FHL2: variants seen among roughly 807,000 people sequenced by gnomAD.
FHL2 encodes the protein four and a half LIM domains protein 2.
A neutral mutation model predicts 32.7 loss-of-function variants in FHL2; 20 were observed. The ratio of observed to expected loss-of-function variants is 0.61; its 90% CI spans 0.43 to 0.89. The LOEUF (loss-of-function observed/expected upper bound fraction) is 0.89. FHL2 is among the 40% of genes least tolerant of loss of function. The pLI, the probability that FHL2 is intolerant of heterozygous loss-of-function variation, is 0.00. For missense variants in FHL2, 311 were observed against 358.6 expected (o/e 0.87, Z 1.07); for synonymous variants, 123 against 128.1 (o/e 0.96, Z 0.27).
chr2:105,398,935 C>T lies in FHL2; in HGVS notation c.-169G>A. ...AGCCCTGGTGGCTAAGCCCCTCGGC[C>T]TCCCTCCGGGGCGCAGGGGGTTGGA... On this transcript the variant is annotated 5_prime_UTR_variant, in exon 1 of 7. Coordinates refer to ENST00000530340, the MANE Select transcript of FHL2 (RefSeq NM_001318895.3). The T allele has an allele frequency of 1.3e-6, 2 of 1,538,088 alleles. No homozygotes were observed. Among genetic ancestry groups the T allele is most frequent in the Non-Finnish European group, 1.7e-6 (2 of 1,145,554 alleles).
At position 105,361,165 on chromosome 2, in the gene FHL2, C is replaced by A. The variant is rs1478919170; in HGVS notation, c.*118G>T. ...AGCAAACGTGAGTATCACTGAAAAG[C>A]ACTAGAAGAAAGTCTCAATGTGGCT... On this transcript the variant is annotated 3_prime_UTR_variant, in exon 7 of 7. Transcript: ENST00000530340. 6 of 1,013,370 alleles carry A rather than the reference C, an allele frequency of 5.9e-6. No individual in the cohort carries two copies. The Admixed American group carries it at 1.3e-4, about 22-fold the overall frequency. 62.8% of individuals were successfully genotyped at this position (1,013,370 alleles called of 1,614,324 possible).
At chr2:105,422,815 G>A (rs1684144648) in intron 1 of FHL2, among the ~76,000 whole-genome samples, 1 of 152,078 alleles carries the variant, frequency 6.6e-6, no homozygotes, top group Non-Finnish European at 1.5e-5. Context: ...TTATACTACA[G>A]GTTGCATTGT....
chr2:105,408,757 T>C (rs961883577), intron 1 of FHL2, among the ~76,000 whole-genome samples: 1 of 152,192 alleles, frequency 6.6e-6, no homozygotes, highest in Non-Finnish European at 1.5e-5. Flanking sequence ...ATGATGTTCA[T>C]CTTATTTATT....
chr2:105,372,248 C>T (rs577571979), intron 4 of FHL2, among the ~76,000 whole-genome samples: 4 of 151,532 alleles, frequency 2.6e-5, no homozygotes, highest in Non-Finnish European at 4.4e-5. Flanking sequence ...TTTTTTGAGA[C>T]GGAGTCTCAC....
chr2:105,360,648 G>T (rs568532424), downstream of FHL2: 5 of 152,690 alleles, frequency 3.3e-5, no homozygotes, highest in African/African-American at 1.2e-4. Context: ...GAGCCACCGT[G>T]CCCAGCCGAA....
rs767099949 is a variant in FHL2, at chr2:105,398,981, G to T, written c.-215C>A. The T allele has an allele frequency of 1.3e-6, 2 of 1,515,358 alleles. No individual in the cohort carries two copies. The highest frequency in any genetic ancestry group is 4.4e-5 in the Admixed American group (2 of 45,040). 93.9% of individuals were successfully genotyped at this position (1,515,358 alleles called of 1,614,324 possible). A position where few individuals can be genotyped will look rare whatever the true frequency, so the allele number is the denominator to read the frequency against. On this transcript the variant is annotated 5_prime_UTR_variant, in exon 1 of 7. Coordinates refer to ENST00000530340, the MANE Select transcript of FHL2 (RefSeq NM_001318895.3). Reference sequence around the variant, plus strand: ...TTGGAGGTACTCACGGCACCGCAGCGGGCCGGGGACTCCCGGACGGGGCTG... The same window carrying T: ...TTGGAGGTACTCACGGCACCGCAGCTGGCCGGGGACTCCCGGACGGGGCTG...
intron 1 of FHL2, among the ~76,000 whole-genome samples, chr2:105,423,899 A>G (rs777880977): frequency 3.9e-4 from 60 of 152,190 alleles, no homozygotes; most frequent in Non-Finnish European, 7.2e-4. Flanking sequence ...AGACTTAAAC[A>G]TAAGACCTGA....
chr2:105,407,731 C>T (rs76553614), intron 1 of FHL2, among the ~76,000 whole-genome samples: 7,241 of 152,160 alleles, frequency 0.048, 541 homozygotes, highest in African/African-American at 0.16. Flanking sequence ...TGGGATGGTG[C>T]TTCTCTCTCA....
intron 2 of FHL2, among the ~76,000 whole-genome samples, chr2:105,390,606 C>T (rs1289186556): frequency 6.6e-6 from 1 of 152,174 alleles, no homozygotes; most frequent in Non-Finnish European, 1.5e-5. Flanking sequence ...CTGCTGCTAC[C>T]TAGGAGCACA....
intron 3 of FHL2, among the ~76,000 whole-genome samples, chr2:105,381,084 C>A (rs1681854613): frequency 6.6e-6 from 1 of 152,130 alleles, no homozygotes; most frequent in African/African-American, 2.4e-5. Flanking sequence ...GTCACCCAGA[C>A]TGAAACGTCT....
rs144315183 is a variant in FHL2 at position 105,391,776 on chromosome 2, AC to A, written c.-25+4870del. Among the ~76,000 whole-genome samples, 688 of 152,320 alleles carry A rather than the reference AC, an allele frequency of 4.5e-3. 3 individuals are homozygous for A. Among genetic ancestry groups the A allele is most frequent in the African/African-American group, 0.016 (649 of 41,572 alleles). On this transcript the variant is annotated intron_variant, in intron 2 of 6. Transcript: ENST00000530340. ...CAAGGACTTATTAACCTAATTGTGTACAATCCATTTACTCTCTGTGAACTCC... is the reference window on the plus strand; with the variant it reads ...CAAGGACTTATTAACCTAATTGTGTAAATCCATTTACTCTCTGTGAACTCC...
chr2:105,408,317 G>C (rs933432105), intron 1 of FHL2, among the ~76,000 whole-genome samples: 1 of 152,204 alleles, frequency 6.6e-6, no homozygotes, highest in African/African-American at 2.4e-5. Context: ...AGATAAGTTT[G>C]ACTAATACAT....
chr2:105,371,546 A>ATCTC (rs10701119), intron 4 of FHL2, among the ~76,000 whole-genome samples: 14,946 of 140,902 alleles, frequency 0.11, 958 homozygotes, highest in African/African-American at 0.17. Flanking sequence ...ATCCCTTGAA[A>ATCTC]TCTCTCTCTC....
chr2:105,388,591 G>C (rs1011236032), intron 2 of FHL2, among the ~76,000 whole-genome samples: 1 of 151,514 alleles, frequency 6.6e-6, no homozygotes, highest in Non-Finnish European at 1.5e-5. Context: ...GGGAGGCCGA[G>C]ACAGGTGGAT....
intron 1 of FHL2, among the ~76,000 whole-genome samples, chr2:105,437,921 A>G (rs1189293345): frequency 2.0e-5 from 3 of 152,220 alleles, no homozygotes; most frequent in Admixed American, 6.5e-5. Context: ...CAGACTCATC[A>G]GTAATTTGTC....
At chr2:105,417,701 A>AAG (rs1469323946) in intron 1 of FHL2, among the ~76,000 whole-genome samples, 7 of 148,630 alleles carry the variant, frequency 4.7e-5, no homozygotes, top group Non-Finnish European at 1.0e-4. Context: ...AAAAAAAAAA[A>AAG]AAAGAAAGAA....
upstream of FHL2, among the ~76,000 whole-genome samples, chr2:105,403,868 G>T (rs1418329763): frequency 6.6e-6 from 1 of 152,252 alleles, no homozygotes; most frequent in Non-Finnish European, 1.5e-5. Context: ...GGAGGTAGAA[G>T]TTTGAGCCAG....
intron 1 of FHL2, among the ~76,000 whole-genome samples, chr2:105,430,076 C>A (rs1436446115): frequency 6.6e-6 from 1 of 152,188 alleles, no homozygotes; most frequent in Admixed American, 6.5e-5. Context: ...TCCCACCTCC[C>A]TTCCTTGACA....
At chr2:105,375,139 G>GTA (rs1317285234) in intron 3 of FHL2, 1 of 145,796 alleles carries the variant, frequency 6.9e-6, no homozygotes, top group Non-Finnish European at 1.6e-5. Context: ...AAGTATGTGT[G>GTA]TGTGTGTGTG....
Sources: gnomAD v4.1 joint callset for allele counts (sites outside exome capture counted in the v4.1 genomes callset) on GRCh38, gnomAD v4.1.1 for gene constraint, MANE v1.5 for transcripts, NCBI Gene and HGNC (gene_info 2026-07-23, HGNC 2026-07-21) for gene names.